TACC1: variants seen among roughly 807,000 people sequenced by gnomAD.
The protein encoded by TACC1 is transforming acidic coiled-coil containing protein 1.
Under a neutral mutation model 84.4 loss-of-function variants are expected in TACC1, and 48 were observed. The observed-to-expected ratio is 0.57, with a 90% CI of 0.45 to 0.72. TACC1 has a LOEUF of 0.72. TACC1 is among the 30% of genes least tolerant of loss of function. The pLI, the probability that TACC1 is intolerant of heterozygous loss-of-function variation, is 0.00. For synonymous variants in TACC1, 372 were observed against 376.3 expected, an observed-to-expected ratio of 0.99 and a Z score of 0.13; for missense variants, 920 against 973.0, an observed-to-expected ratio of 0.95 and a Z score of 0.72.
intron 2 of TACC1, among the ~76,000 whole-genome samples, chr8:38,806,654 T>C (rs1166484176): frequency 6.6e-6 from 1 of 152,138 alleles, no homozygotes; most frequent in African/African-American, 2.4e-5. Context: ...ATTTTTGTGC[T>C]TGCTAAGAAG....
At chr8:38,784,355 C>A (rs1373466847), upstream of TACC1, among the ~76,000 whole-genome samples, 1 of 152,070 alleles carries the variant, frequency 6.6e-6, no homozygotes, top group South Asian at 2.1e-4. Flanking sequence ...CACCTGAGGT[C>A]AGGAGTTCAA....
rs140631157 is a variant in TACC1, at chr8:38,768,766, G to A, written c.27-19938G>A. Among the ~76,000 whole-genome samples the A allele has an allele frequency of 1.5e-3, 225 of 152,116 alleles. 1 individual carries two copies. The highest frequency in any genetic ancestry group is 5.2e-3 in the African/African-American group (215 of 41,462). The stretch of plus-strand genomic sequence containing the variant: ...GAAACTGTGTGTGGGAGGTATGTGT[G>A]TGACTGTGGGCTTATGTGAGAGTTG... On this transcript the variant is annotated intron_variant, in intron 3 of 14. Transcript: ENST00000518415.
chr8:38,746,509 A>G (rs1808116852), intron 3 of TACC1, among the ~76,000 whole-genome samples: 1 of 152,152 alleles, frequency 6.6e-6, no homozygotes, highest in Non-Finnish European at 1.5e-5. Flanking sequence ...TGAGATTTCA[A>G]TTACATGTAT....
intron 2 of TACC1, among the ~76,000 whole-genome samples, chr8:38,811,078 A>G (rs556218459): frequency 6.9e-4 from 104 of 151,816 alleles, no homozygotes; most frequent in African/African-American, 2.1e-3. Flanking sequence ...GGATCACGCT[A>G]CAGTATTCAA....
intron 3 of TACC1, chr8:38,824,763 G>A (rs1263944458): frequency 1.3e-5 from 2 of 153,686 alleles, no homozygotes; most frequent in Non-Finnish European, 2.9e-5. Context: ...AATAGGAATG[G>A]TAACAGTTTA....
At position 38,848,173 on chromosome 8, in the gene TACC1, G is replaced by A; in HGVS notation, c.*150G>A. ...TGCCTACTGCTGCCTGTCCCGCTTT[G>A]CTGCCAATGCAACAGCCCTGGAAGA... On this transcript the variant is annotated 3_prime_UTR_variant, in exon 13 of 13. Transcript: ENST00000317827. 1.5e-6 allele frequency: 1 copy of A among 672,556 alleles called. No individual in the cohort carries two copies. The highest frequency in any genetic ancestry group is 2.5e-6 in the Non-Finnish European group (1 of 404,196). The allele number at this position is 672,556 out of a possible 1,614,324, so 41.7% of individuals were successfully genotyped here.
Position 38,800,566 on chromosome 8 carries a change from G to A in TACC1, c.277+11747G>A, listed in dbSNP as rs536958813. On this transcript the variant is annotated intron_variant, in intron 2 of 12. Coordinates refer to ENST00000317827, the MANE Select transcript of TACC1 (RefSeq NM_006283.3). ...TCACTAACCATGTTTTCAAGGTTCA[G>A]CTATGTTGTAGCAAGTATCGGGACT... Among the ~76,000 whole-genome samples, 14 of 152,294 alleles carry A rather than the reference G, an allele frequency of 9.2e-5. No homozygotes were observed. In the East Asian group the frequency reaches 1.7e-3, roughly 19 times the overall value.
At chr8:38,728,770 C>G (rs1804329256) in intron 1 of TACC1, 1 of 152,254 alleles carries the variant, frequency 6.6e-6, no homozygotes. Context: ...GTTTCCCTCG[C>G]TTGGGTATGC....
chr8:38,812,212 T>TTTGCCTTGTGATCTTTGCTTTGCCCC (rs1824348606), intron 2 of TACC1, among the ~76,000 whole-genome samples: 1 of 152,140 alleles, frequency 6.6e-6, no homozygotes, highest in African/African-American at 2.4e-5. Flanking sequence ...AATTTTGCCG[T>TTTGCCTTGTGATCTTTGCTTTGCCCC]TTGCCTTGTG....
At chr8:38,798,526 C>T (rs1343934372) in intron 2 of TACC1, among the ~76,000 whole-genome samples, 1 of 151,540 alleles carries the variant, frequency 6.6e-6, no homozygotes, top group Non-Finnish European at 1.5e-5. Context: ...CCTACCGTGA[C>T]TTCTGGGTAA....
At chr8:38,772,847 AT>A (rs1415581412) in intron 3 of TACC1, among the ~76,000 whole-genome samples, 1 of 152,024 alleles carries the variant, frequency 6.6e-6, no homozygotes, top group Non-Finnish European at 1.5e-5. Context: ...ATATCAATAA[AT>A]TTTATGTATT....
At chr8:38,839,191 T>C in intron 8 of TACC1, 1 of 361,060 alleles carries the variant, frequency 2.8e-6, no homozygotes, top group East Asian at 3.8e-5. Flanking sequence ...GCCTGGTCCA[T>C]AATACTTTTT....
At chr8:38,796,215 A>G (rs1397666260) in intron 2 of TACC1, among the ~76,000 whole-genome samples, 1 of 152,212 alleles carries the variant, frequency 6.6e-6, no homozygotes, top group African/African-American at 2.4e-5. Context: ...CAGATTGGGA[A>G]ATTGAGGCCA....
At chr8:38,816,782 T>TCC (rs1157027146) in intron 2 of TACC1, among the ~76,000 whole-genome samples, 3 of 152,208 alleles carry the variant, frequency 2.0e-5, no homozygotes, top group Non-Finnish European at 4.4e-5. Flanking sequence ...AAGCTCCCTG[T>TCC]CCCTGTCATT....
chr8:38,768,014 G>C (rs565488909), intron 3 of TACC1, among the ~76,000 whole-genome samples: 9 of 151,684 alleles, frequency 5.9e-5, no homozygotes, highest in African/African-American at 2.2e-4. Flanking sequence ...GCTGCAGTGA[G>C]ATGAGATTGT....
chr8:38,823,518 T>C (rs1234168638), intron 3 of TACC1, among the ~76,000 whole-genome samples: 1 of 152,138 alleles, frequency 6.6e-6, no homozygotes, highest in Admixed American at 6.5e-5. Flanking sequence ...AAAGAAAGGG[T>C]AATTTATTCT....
intron 3 of TACC1, among the ~76,000 whole-genome samples, chr8:38,765,106 A>G (rs1054024247): frequency 1.3e-5 from 2 of 152,102 alleles, no homozygotes; most frequent in African/African-American, 2.4e-5. Flanking sequence ...CTCAAAAAAA[A>G]AAAATTCCGT....
chr8:38,821,409 T>C (rs1826783608), intron 3 of TACC1, among the ~76,000 whole-genome samples: 1 of 152,204 alleles, frequency 6.6e-6, no homozygotes, highest in Non-Finnish European at 1.5e-5. Context: ...CAAAAGGGTC[T>C]TGTAGAAAGA....
chr8:38,772,520 G>T (rs1813841873), intron 3 of TACC1, among the ~76,000 whole-genome samples: 1 of 152,180 alleles, frequency 6.6e-6, no homozygotes, highest in Admixed American at 6.5e-5. Context: ...GACACACAAA[G>T]GCATGTTATG....
Sources: gnomAD v4.1 joint callset for allele counts (sites outside exome capture counted in the v4.1 genomes callset) on GRCh38, gnomAD v4.1.1 for gene constraint, MANE v1.5 for transcripts, NCBI Gene and HGNC (gene_info 2026-07-23, HGNC 2026-07-21) for gene names.